Variants in PRKAB1 observed in about 807,000 individuals in gnomAD.
PRKAB1 encodes protein kinase AMP-activated non-catalytic subunit beta 1.
PRKAB1 carries 18 observed loss-of-function variants against 32.0 expected under a neutral mutation model. The ratio of observed to expected loss-of-function variants is 0.56; its 90% CI spans 0.39 to 0.83. The LOEUF is 0.83. PRKAB1 is among the 40% of genes least tolerant of loss of function. PRKAB1 has a pLI of 0.00. For missense variants in PRKAB1, 263 were observed against 352.6 expected (o/e 0.75, Z 2.03); for synonymous variants, 141 against 141.4 (o/e 1.00, Z 0.02).
At chr12:119,671,666 A>C in intron 1 of PRKAB1, 2 of 226,832 alleles carry the variant, frequency 8.8e-6, no homozygotes, top group Non-Finnish European at 9.3e-6. Context: ...ATTACAATTC[A>C]AGGTGAGATT....
At chr12:119,676,075 T>C (rs879324500) in intron 4 of PRKAB1, among the ~76,000 whole-genome samples, 1 of 152,232 alleles carries the variant, frequency 6.6e-6, no homozygotes, top group Non-Finnish European at 1.5e-5. Flanking sequence ...GCCTGTTTTC[T>C]CCACGGCCTC....
Position 119,679,421 on chromosome 12 carries a change from C to G in PRKAB1, c.667-512C>G, listed in dbSNP as rs1807575358. 1 of 159,550 alleles carries G rather than the reference C, an allele frequency of 6.3e-6. No individual in the cohort carries two copies. Among genetic ancestry groups the G allele is most frequent in the African/African-American group, 2.4e-5 (1 of 41,522 alleles). The allele number at this position is 159,550 out of a possible 1,614,324, so 9.9% of individuals were successfully genotyped here. A position where few individuals can be genotyped will look rare whatever the true frequency, so the allele number is the denominator to read the frequency against. ...AAATAAATCCCGATTTCTGGCTTCTCTTAAAACATAGGAAGGTGCGGCGGG... is the reference window on the plus strand; with the variant it reads ...AAATAAATCCCGATTTCTGGCTTCTGTTAAAACATAGGAAGGTGCGGCGGG... On this transcript the variant is annotated intron_variant, in intron 5 of 6. Coordinates refer to ENST00000229328, the MANE Select transcript of PRKAB1 (RefSeq NM_006253.5). The surrounding 1 kb of genome is among the most constrained non-coding windows in gnomAD (Gnocchi z 4.1).
In PRKAB1 at chr12:119,672,407, A is replaced by G. The variant is rs768247950; in HGVS notation, c.266A>G (p.Lys89Arg). The change falls in exon 2 of 7, where the codon AAG (lysine) becomes AGG (arginine). Residue 89 changes from lysine to arginine, a missense_variant. Lys to Arg is a conservative substitution (Grantham distance 26). Coordinates refer to ENST00000229328, the MANE Select transcript of PRKAB1 (RefSeq NM_006253.5). ...PTVFRWTGGG[K>R]EVYLSGSFNN... The stretch of plus-strand genomic sequence containing the variant: ...GTGTTTCGATGGACGGGGGGCGGAA[A>G]GGAAGTTTACTTATCTGGGTCCTTC... 1.9e-6 allele frequency: 3 copies of G among 1,610,310 alleles called. No individual in the cohort carries two copies. In the South Asian group the frequency reaches 3.3e-5, roughly 18 times the overall value.
chr12:119,673,827 T>C (rs776488714), intron 2 of PRKAB1, 137 bp from the exon 3 acceptor site: 15 of 660,166 alleles, frequency 2.3e-5, no homozygotes, highest in Admixed American at 5.9e-5. Context: ...ATTGTCTAAA[T>C]GGGCTAAAAA....
chr12:119,668,508 G>A, intron 1 of PRKAB1, 105 bp downstream of exon 1: 1 of 1,444,954 alleles, frequency 6.9e-7, no homozygotes, highest in Non-Finnish European at 9.4e-7. Flanking sequence ...AGAACGGAGA[G>A]GGAGGTGGTA....
In PRKAB1 at chr12:119,668,240, C is replaced by T. The variant is rs760667193; in HGVS notation, c.-5C>T. 2.0e-5 allele frequency: 31 copies of T among 1,583,146 alleles called. No individual in the cohort carries two copies. The highest frequency in any genetic ancestry group is 5.8e-5 in the Admixed American group (3 of 51,642). On this transcript the variant is annotated 5_prime_UTR_variant, in exon 1 of 7. Transcript: ENST00000229328. Reference sequence around the variant, plus strand: ...GCCTTCCCTGTGTCCCCGCAGACCCCCATCATGGGCAATACCAGCAGTGAG... The same window carrying T: ...GCCTTCCCTGTGTCCCCGCAGACCCTCATCATGGGCAATACCAGCAGTGAG...
In PRKAB1 at chr12:119,674,491, G is replaced by A; in HGVS notation, c.532+37G>A. 3 of 1,473,494 alleles carry A rather than the reference G, an allele frequency of 2.0e-6. No homozygotes were observed. Among genetic ancestry groups the A allele is most frequent in the Non-Finnish European group, 2.8e-6 (3 of 1,054,750 alleles). 91.3% of individuals were successfully genotyped at this position (1,473,494 alleles called of 1,614,324 possible). On this transcript the variant is annotated intron_variant, in intron 4 of 6. Transcript: ENST00000229328. The surrounding 1 kb of genome is among the most constrained non-coding windows in gnomAD (Gnocchi z 4.3). ...GTTATTTTATACCACATGCGTGCAG[G>A]TGGGGGCTGTACAGTCTAGACATAC...
rs780361702 is a variant in PRKAB1, at chr12:119,673,768, C to T, written c.324-196C>T. On this transcript the variant is annotated intron_variant, in intron 2 of 6. Transcript: ENST00000229328. ...AAGGTGAGTTTTCAGGAAACTGTGT[C>T]GCACTGCTGCTTCCTTATAGCCTTT... The T allele has an allele frequency of 3.4e-5, 16 of 470,422 alleles. No individual in the cohort carries two copies. In the East Asian group the frequency reaches 4.9e-4, roughly 14 times the overall value. 29.1% of individuals were successfully genotyped at this position (470,422 alleles called of 1,614,324 possible).
chr12:119,679,904 TG>T lies in PRKAB1; in HGVS notation c.667-28del, dbSNP rs1158593120. The T allele has an allele frequency of 6.2e-7, 1 of 1,610,344 alleles. No homozygotes were observed. The highest frequency in any genetic ancestry group is 2.2e-5 in the East Asian group (1 of 44,848). On this transcript the variant is annotated intron_variant, in intron 5 of 6. Coordinates refer to ENST00000229328, the MANE Select transcript of PRKAB1 (RefSeq NM_006253.5). This position sits in a 1 kb window ranked among gnomAD's most constrained non-coding sequence, Gnocchi z 4.1. ...AGAATCTTGGTTTCCAAATCCCAAA[TG>T]CTCACCGCTGCCTTTGTTCCCTCAC...
Position 119,681,375 on chromosome 12 carries a change from T to G in PRKAB1, c.*1050T>G, listed in dbSNP as rs1251046896. The G allele has an allele frequency of 2.0e-5, 3 of 152,236 alleles. No homozygotes were observed. Among genetic ancestry groups the G allele is most frequent in the Non-Finnish European group, 4.4e-5 (3 of 68,020 alleles). The allele number at this position is 152,236 out of a possible 1,614,324, so 9.4% of individuals were successfully genotyped here. On this transcript the variant is annotated 3_prime_UTR_variant, in exon 7 of 7. Transcript: ENST00000229328. ...GATGTCCTTTGGACCAAAGCAGACT[T>G]CTTTATACGCAGCTCAGTTTCCCGG...
At chr12:119,670,259 T>C (rs977507631) in intron 1 of PRKAB1, among the ~76,000 whole-genome samples, 2 of 152,356 alleles carry the variant, frequency 1.3e-5, no homozygotes, top group East Asian at 3.9e-4. Context: ...AAAGCTGCCC[T>C]CTGCCCAACA....
intron 1 of PRKAB1, 113 bp from the exon 2 acceptor site, chr12:119,672,188 G>A (rs111579025): frequency 1.1e-3 from 1,226 of 1,155,988 alleles, no homozygotes; most frequent in Admixed American, 1.9e-3. Context: ...GTAAGTTTCC[G>A]ATCCTAACCA....
At chr12:119,671,983 G>A (rs1056126357) in intron 1 of PRKAB1, among the ~76,000 whole-genome samples, 56 of 152,162 alleles carry the variant, frequency 3.7e-4, no homozygotes, top group African/African-American at 9.9e-4. Flanking sequence ...TCTTGGATTC[G>A]TAGTAGCCCC....
Position 119,676,627 on chromosome 12 carries a change from C to G in PRKAB1, c.623C>G (p.Pro208Arg), listed in dbSNP as rs749996019. ...TTTCGGGCACCCCCTATTCTCCCCCCACATCTCCTCCAGGTCATCCTGAAC... is the reference window on the plus strand; with the variant it reads ...TTTCGGGCACCCCCTATTCTCCCCCGACATCTCCTCCAGGTCATCCTGAAC... Reference protein sequence around the residue: ...ERFRAPPILPPHLLQVILNKD... With the variant: ...ERFRAPPILPRHLLQVILNKD... Residue 208 changes from proline (P) to arginine (R), a missense_variant, in exon 5 of 7, where the codon CCA (proline) becomes CGA (arginine). Coordinates refer to ENST00000229328, the MANE Select transcript of PRKAB1 (RefSeq NM_006253.5). 6 of 1,614,070 alleles carry G rather than the reference C, an allele frequency of 3.7e-6. No homozygotes were observed. Among genetic ancestry groups the G allele is most frequent in the East Asian group, 2.2e-5 (1 of 44,864 alleles).
Position 119,672,452 on chromosome 12 carries a change from C to T in PRKAB1, c.311C>T (p.Pro104Leu), listed in dbSNP as rs751902416. 10 of 1,583,666 alleles carry T rather than the reference C, an allele frequency of 6.3e-6. No homozygotes were observed. The Admixed American group carries it at 1.4e-4, about 23-fold the overall frequency. The change falls in exon 2 of 7, where the codon CCC becomes CTC. Residue 104 changes from proline to leucine, a missense_variant. Coordinates refer to ENST00000229328, the MANE Select transcript of PRKAB1 (RefSeq NM_006253.5). ...TCCTTCAACAACTGGAGTAAACTTC[C>T]CCTCACCAGAAGGTAATTGCCTGGG... The part of the protein sequence containing the change: ...SGSFNNWSKL[P>L]LTRSHNNFVA...
chr12:119,672,834 T>G (rs941581267), intron 2 of PRKAB1, among the ~76,000 whole-genome samples: 6 of 152,222 alleles, frequency 3.9e-5, no homozygotes, highest in Non-Finnish European at 8.8e-5. Context: ...CTAACGTTAG[T>G]TAACCTGAGC....
chr12:119,673,007 T>C (rs963388268), intron 2 of PRKAB1, among the ~76,000 whole-genome samples: 2 of 152,166 alleles, frequency 1.3e-5, no homozygotes, highest in Non-Finnish European at 2.9e-5. Flanking sequence ...GGCAGGAGGA[T>C]TGCTTGAGGC....
At chr12:119,670,351 G>A (rs1291006237) in intron 1 of PRKAB1, among the ~76,000 whole-genome samples, 1 of 152,196 alleles carries the variant, frequency 6.6e-6, no homozygotes, top group East Asian at 1.9e-4. Flanking sequence ...TTGTCCTCAT[G>A]TTGAGCGAGG....
In PRKAB1 at chr12:119,674,277, C is replaced by A; in HGVS notation, c.418-63C>A. 1 of 1,358,046 alleles carries A rather than the reference C, an allele frequency of 7.4e-7. No individual in the cohort carries two copies. The highest frequency in any genetic ancestry group is 1.0e-6 in the Non-Finnish European group (1 of 960,224). 84.1% of individuals were successfully genotyped at this position (1,358,046 alleles called of 1,614,324 possible). ...GGCCTTCCAGCCAGGAATTCCAAGTCCTCTGAAGAATAACTCCGCAGACCT... is the reference window on the plus strand; with the variant it reads ...GGCCTTCCAGCCAGGAATTCCAAGTACTCTGAAGAATAACTCCGCAGACCT... On this transcript the variant is annotated intron_variant, in intron 3 of 6. Transcript: ENST00000229328. The surrounding 1 kb of genome is among the most constrained non-coding windows in gnomAD (Gnocchi z 4.3).
Sources: gnomAD v4.1 joint callset for allele counts (sites outside exome capture counted in the v4.1 genomes callset) on GRCh38, gnomAD v4.1.1 for gene constraint, Gnocchi (gnomAD v3.1) non-coding constraint, MANE v1.5 for transcripts, NCBI Gene and HGNC (gene_info 2026-07-23, HGNC 2026-07-21) for gene names.